DLG2: variants seen among roughly 807,000 people sequenced by gnomAD.
DLG2 encodes discs large MAGUK scaffold protein 2.
DLG2 carries 45 observed loss-of-function variants against 132.5 expected under a neutral mutation model. That is an observed-to-expected ratio of 0.34 (90% CI 0.27 to 0.44). The LOEUF is 0.44. DLG2 is among the 20% of genes least tolerant of loss of function. The pLI is 1.00. For missense variants in DLG2, 1,045 were observed against 1,196.9 expected, an observed-to-expected ratio of 0.87 and a Z score of 1.87; for synonymous variants, 424 against 419.6, an observed-to-expected ratio of 1.01 and a Z score of -0.13.
At chr11:84,201,932 C>T (rs1010322934) in intron 8 of DLG2, among the ~76,000 whole-genome samples, 4 of 148,068 alleles carry the variant, frequency 2.7e-5, no homozygotes, top group African/African-American at 5.0e-5. Context: ...GATTCTCCTG[C>T]CTCAGCCTCC....
intron 6 of DLG2, among the ~76,000 whole-genome samples, chr11:84,755,273 G>A (rs1165553991): frequency 3.9e-5 from 6 of 152,166 alleles, no homozygotes; most frequent in Admixed American, 3.9e-4. Context: ...ATAAATTTTT[G>A]TAGAATAAAA....
intron 6 of DLG2, among the ~76,000 whole-genome samples, chr11:84,662,334 G>A (rs2099695285): frequency 6.6e-6 from 1 of 151,520 alleles, no homozygotes; most frequent in Non-Finnish European, 1.5e-5. Context: ...ATGCCACCAT[G>A]CCCAGCTAAT....
chr11:85,151,814 A>G (rs2077272663), intron 5 of DLG2, among the ~76,000 whole-genome samples: 1 of 152,170 alleles, frequency 6.6e-6, no homozygotes, highest in Non-Finnish European at 1.5e-5. Flanking sequence ...TGAAATCAGG[A>G]TGTCTGAGGT....
chr11:84,447,205 A>G (rs1286536440), intron 7 of DLG2, among the ~76,000 whole-genome samples: 3 of 152,220 alleles, frequency 2.0e-5, no homozygotes, highest in Non-Finnish European at 1.5e-5. Context: ...CTAACTTTAT[A>G]AAATGGGGGT....
At chr11:84,232,065 T>C (rs2097100805) in intron 8 of DLG2, among the ~76,000 whole-genome samples, 1 of 151,544 alleles carries the variant, frequency 6.6e-6, no homozygotes, top group Non-Finnish European at 1.5e-5. Flanking sequence ...CCAGACTATG[T>C]GAAATAAGGA....
At chr11:84,211,822 T>G (rs2154311313) in intron 8 of DLG2, among the ~76,000 whole-genome samples, 1 of 152,294 alleles carries the variant, frequency 6.6e-6, no homozygotes, top group East Asian at 1.9e-4. Flanking sequence ...AATGGCTGAT[T>G]ATATTCAGAC....
intron 7 of DLG2, among the ~76,000 whole-genome samples, chr11:84,334,717 G>A (rs995957316): frequency 2.6e-5 from 4 of 152,110 alleles, no homozygotes; most frequent in Non-Finnish European, 5.9e-5. Flanking sequence ...CTGCCCTGAT[G>A]GTGATTTCAG....
At chr11:83,668,087 A>G (rs1346562384) in intron 18 of DLG2, among the ~76,000 whole-genome samples, 2 of 150,176 alleles carry the variant, frequency 1.3e-5, no homozygotes, top group African/African-American at 4.9e-5. Flanking sequence ...AAAAAAAAAA[A>G]AAGCAGAAAC....
At chr11:84,572,430 G>A (rs746756830) in intron 6 of DLG2, among the ~76,000 whole-genome samples, 1 of 152,130 alleles carries the variant, frequency 6.6e-6, no homozygotes, top group Non-Finnish European at 1.5e-5. Flanking sequence ...GACATGTAAA[G>A]AAGTCTGGGC....
chr11:83,952,367 A>G (rs890048712), intron 14 of DLG2, among the ~76,000 whole-genome samples: 2 of 152,124 alleles, frequency 1.3e-5, no homozygotes, highest in African/African-American at 4.8e-5. Context: ...GAGTAAGACT[A>G]TGGAAGGACA....
intron 17 of DLG2, among the ~76,000 whole-genome samples, chr11:83,801,972 TAG>T (rs1209742261): frequency 2.0e-5 from 3 of 152,186 alleles, no homozygotes; most frequent in Non-Finnish European, 4.4e-5. Context: ...AGGTACTAAT[TAG>T]AGTCCTTTTC....
At chr11:85,173,059 T>A (rs973340679) in intron 4 of DLG2, among the ~76,000 whole-genome samples, 1 of 152,096 alleles carries the variant, frequency 6.6e-6, no homozygotes. Flanking sequence ...CAGAATATCA[T>A]CCAGGAGAAC....
At chr11:83,561,133 C>G (rs2079134785) in intron 19 of DLG2, among the ~76,000 whole-genome samples, 1 of 152,104 alleles carries the variant, frequency 6.6e-6, no homozygotes, top group African/African-American at 2.4e-5. Context: ...GAGAACAGCA[C>G]CAAGAGCATT....
At chr11:85,586,080 G>A (rs1425879522) in intron 3 of DLG2, among the ~76,000 whole-genome samples, 2 of 152,168 alleles carry the variant, frequency 1.3e-5, no homozygotes, top group South Asian at 2.1e-4. Context: ...AAAACCACTT[G>A]ATTATGGTGT....
At chr11:83,684,001 G>T (rs2079272664) in intron 18 of DLG2, among the ~76,000 whole-genome samples, 1 of 152,026 alleles carries the variant, frequency 6.6e-6, no homozygotes, top group Non-Finnish European at 1.5e-5. Flanking sequence ...TTTGCAACAT[G>T]TCTGCTATCC....
intron 7 of DLG2, among the ~76,000 whole-genome samples, chr11:84,432,885 G>A (rs992322895): frequency 5.9e-5 from 9 of 152,082 alleles, no homozygotes; most frequent in Admixed American, 2.6e-4. Context: ...TTAGTCAGCT[G>A]TGGTGGCACA....
intron 4 of DLG2, among the ~76,000 whole-genome samples, chr11:85,155,305 T>C (rs1325824999): frequency 6.6e-6 from 1 of 152,204 alleles, no homozygotes; most frequent in Non-Finnish European, 1.5e-5. Context: ...TCTACTGCTG[T>C]TGTTGCAAGT....
intron 18 of DLG2, among the ~76,000 whole-genome samples, chr11:83,711,189 T>C (rs1372541322): frequency 6.6e-6 from 1 of 152,132 alleles, no homozygotes; most frequent in Non-Finnish European, 1.5e-5. Flanking sequence ...GAGAACTAGA[T>C]AAAGAAGATG....
chr11:85,177,041 G>A (rs1265738777), intron 4 of DLG2, among the ~76,000 whole-genome samples: 1 of 152,098 alleles, frequency 6.6e-6, no homozygotes, highest in Non-Finnish European at 1.5e-5. Flanking sequence ...GTGGAAGACA[G>A]TGCAGCAATT....
Sources: allele counts gnomAD v4.1 joint callset (sites outside exome capture counted in the v4.1 genomes callset), GRCh38; gene constraint gnomAD v4.1.1; transcripts MANE v1.5; gene names NCBI Gene and HGNC (gene_info 2026-07-23, HGNC 2026-07-21).